CENPP: variants seen among roughly 807,000 people sequenced by gnomAD.
CENPP encodes the protein centromere protein P.
A neutral mutation model predicts 35.6 loss-of-function variants in CENPP; 24 were observed. That is an observed-to-expected ratio of 0.67 (90% CI 0.49 to 0.95). The LOEUF is 0.95. Ranked by LOEUF, CENPP falls within the 40% of genes least tolerant of loss-of-function variation. CENPP has a pLI of 0.00. For missense variants in CENPP, 332 were observed against 345.3 expected, an observed-to-expected ratio of 0.96 and a Z score of 0.31; for synonymous variants, 120 against 125.5, an observed-to-expected ratio of 0.96 and a Z score of 0.29.
At chr9:92,517,138 A>G (rs1847777999) in intron 5 of CENPP, 1 of 157,060 alleles carries the variant, frequency 6.4e-6, no homozygotes, top group Non-Finnish European at 1.4e-5. Context: ...GAAGTGCCAC[A>G]TGAGAAAATC....
intron 5 of CENPP, among the ~76,000 whole-genome samples, chr9:92,418,283 C>T (rs1199803203): frequency 6.6e-6 from 1 of 151,806 alleles, no homozygotes; most frequent in Non-Finnish European, 1.5e-5. Flanking sequence ...GACGGGGTTT[C>T]TCCATCTTGG....
intron 5 of CENPP, among the ~76,000 whole-genome samples, chr9:92,516,072 T>TCCCC (rs76297691): frequency 3.6e-5 from 5 of 139,694 alleles, no homozygotes; most frequent in African/African-American, 1.3e-4. Context: ...TACTTTTTTT[T>TCCCC]CCCCCCCCCG....
At chr9:92,596,329 C>G (rs921431910) in intron 5 of CENPP, among the ~76,000 whole-genome samples, 1 of 150,098 alleles carries the variant, frequency 6.7e-6, no homozygotes, top group East Asian at 1.9e-4. Context: ...TGGGGTCTCA[C>G]TATGTTGCCC....
At chr9:92,576,012 CA>C (rs1420759102) in intron 5 of CENPP, among the ~76,000 whole-genome samples, 4 of 152,106 alleles carry the variant, frequency 2.6e-5, no homozygotes, top group Non-Finnish European at 5.9e-5. Flanking sequence ...AGGTACATGC[CA>C]GAATAACTGA....
chr9:92,428,579 C>G (rs983152220), intron 5 of CENPP, among the ~76,000 whole-genome samples: 1 of 151,420 alleles, frequency 6.6e-6, no homozygotes, highest in African/African-American at 2.4e-5. Context: ...CATACCATGA[C>G]TGCCATCATC....
chr9:92,459,844 A>G, intron 5 of CENPP: 1 of 1,332,706 alleles, frequency 7.5e-7, no homozygotes, highest in Non-Finnish European at 1.1e-6. Flanking sequence ...AAACACCGCA[A>G]ACTAGTTAGA....
At chr9:92,561,691 G>A (rs969486189) in intron 5 of CENPP, among the ~76,000 whole-genome samples, 4 of 152,168 alleles carry the variant, frequency 2.6e-5, no homozygotes, top group African/African-American at 4.8e-5. Flanking sequence ...GAGTTTCAAA[G>A]TAACCTAAGA....
rs569817751 is a variant in CENPP at position 92,593,095 on chromosome 9, C to A, written c.565-18219C>A. 1.3e-5 allele frequency among the ~76,000 whole-genome samples: 2 copies of A among 152,320 alleles called. No homozygotes were observed. The highest frequency in any genetic ancestry group is 1.5e-5 in the Non-Finnish European group (1 of 68,036). On this transcript the variant is annotated intron_variant, in intron 5 of 7. Coordinates refer to ENST00000375587, the MANE Select transcript of CENPP (RefSeq NM_001012267.3). This position sits in a 1 kb window ranked among gnomAD's most constrained non-coding sequence, Gnocchi z 4.1. ...CCCACTGTGTGAGCCTCCCAGCAGC[C>A]CTGGCATCATCTGCCCTAAGCATCC...
intron 5 of CENPP, among the ~76,000 whole-genome samples, chr9:92,513,886 A>G (rs182981564): frequency 1.4e-3 from 206 of 152,308 alleles, no homozygotes; most frequent in African/African-American, 4.7e-3. Flanking sequence ...CTATATACTA[A>G]AAATAAGTTT....
intron 5 of CENPP, chr9:92,502,729 G>C: frequency 1.7e-6 from 2 of 1,172,276 alleles, no homozygotes; most frequent in South Asian, 3.1e-5. Context: ...CTAAAATAGT[G>C]ACATAGACTA....
intron 3 of CENPP, among the ~76,000 whole-genome samples, chr9:92,344,142 T>G (rs979498166): frequency 2.0e-5 from 3 of 151,976 alleles, no homozygotes; most frequent in African/African-American, 7.3e-5. Context: ...GTTTATAAGG[T>G]CTCTTCCCTT....
At chr9:92,518,850 C>T (rs1313916841) in intron 5 of CENPP, among the ~76,000 whole-genome samples, 1 of 152,182 alleles carries the variant, frequency 6.6e-6, no homozygotes, top group African/African-American at 2.4e-5. Flanking sequence ...GATCGTTCCA[C>T]TGTACTCCAG....
At chr9:92,581,914 G>A (rs1025946476) in intron 5 of CENPP, among the ~76,000 whole-genome samples, 2 of 152,186 alleles carry the variant, frequency 1.3e-5, no homozygotes, top group Non-Finnish European at 2.9e-5. Context: ...GAGGAGGACT[G>A]AGACATCCAT....
Position 92,615,770 on chromosome 9 carries a change from A to T in CENPP, c.*2621A>T. The stretch of plus-strand genomic sequence containing the variant: ...CCAAAGGTCACCCAACACAACAGAA[A>T]ATATCTCTATCATTCAGCCTTCACA... On this transcript the variant is annotated 3_prime_UTR_variant, in exon 8 of 8. Coordinates refer to ENST00000375587, the MANE Select transcript of CENPP (RefSeq NM_001012267.3). 1 of 1,371,528 alleles carries T rather than the reference A, an allele frequency of 7.3e-7. No individual in the cohort carries two copies. The highest frequency in any genetic ancestry group is 1.0e-6 in the Non-Finnish European group (1 of 966,934). The allele number at this position is 1,371,528 out of a possible 1,614,324, so 85.0% of individuals were successfully genotyped here. A position where few individuals can be genotyped will look rare whatever the true frequency, so the allele number is the denominator to read the frequency against.
intron 5 of CENPP, among the ~76,000 whole-genome samples, chr9:92,467,419 A>G (rs1845356311): frequency 6.6e-6 from 1 of 152,234 alleles, no homozygotes; most frequent in Non-Finnish European, 1.5e-5. Flanking sequence ...TTTTCATTGC[A>G]AAATGAGCAT....
intron 5 of CENPP, among the ~76,000 whole-genome samples, chr9:92,584,538 G>A (rs892287411): frequency 1.3e-5 from 2 of 151,972 alleles, no homozygotes; most frequent in Non-Finnish European, 1.5e-5. Context: ...TTTAAGAGAC[G>A]GGGTCTCACT....
intron 5 of CENPP, among the ~76,000 whole-genome samples, chr9:92,393,537 A>T (rs1429567925): frequency 6.6e-6 from 1 of 152,234 alleles, no homozygotes; most frequent in African/African-American, 2.4e-5. Flanking sequence ...AGCAGGAGTT[A>T]AGGTAAACAT....
At position 92,415,190 on chromosome 9, in the gene CENPP, C is replaced by T. The variant is rs189375297; in HGVS notation, c.564+35331C>T. 1.4e-5 allele frequency: 22 copies of T among 1,613,248 alleles called. No homozygotes were observed. In the East Asian group the frequency reaches 4.7e-4, roughly 34 times the overall value. ...TCATAATAATGAAGGTCAAAGTGCC[C>T]TTCTGCTCCTTCTTGTTCTGGGCTC... is the stretch of plus-strand genomic sequence containing the variant. On this transcript the variant is annotated intron_variant, in intron 5 of 7. Transcript: ENST00000375587.
chr9:92,396,699 G>T (rs1219980300), intron 5 of CENPP, among the ~76,000 whole-genome samples: 1 of 151,556 alleles, frequency 6.6e-6, no homozygotes, highest in African/African-American at 2.4e-5. Context: ...CAAGTAACTG[G>T]GACTACAGGT....
Sources: allele counts gnomAD v4.1 joint callset (sites outside exome capture counted in the v4.1 genomes callset), GRCh38; gene constraint gnomAD v4.1.1; non-coding constraint Gnocchi (gnomAD v3.1); transcripts MANE v1.5; gene names NCBI Gene and HGNC (gene_info 2026-07-23, HGNC 2026-07-21).